The following UQCC1 variants were observed in gnomAD, a reference collection of about 807,000 sequenced individuals.
UQCC1 encodes bFGF-repressed Zic-binding protein.
UQCC1 carries 38 observed loss-of-function variants against 48.0 expected under a neutral mutation model. That is an observed-to-expected ratio of 0.79 (90% CI 0.61 to 1.04). UQCC1 has a LOEUF of 1.04. Among genes scored for constraint, UQCC1 ranks in the 50% least tolerant of loss-of-function variants. The pLI is 0.00. For synonymous variants in UQCC1, 111 were observed against 129.2 expected, an observed-to-expected ratio of 0.86 and a Z score of 0.95; for missense variants, 368 against 381.8, an observed-to-expected ratio of 0.96 and a Z score of 0.30.
At chr20:35,311,894 C>A (rs981451854) in intron 8 of UQCC1, among the ~76,000 whole-genome samples, 17 of 152,168 alleles carry the variant, frequency 1.1e-4, no homozygotes, top group Non-Finnish European at 1.8e-4. Context: ...AACCACCAGG[C>A]AGCACTCCTA....
At chr20:35,340,530 G>A (rs908924520) in intron 7 of UQCC1, among the ~76,000 whole-genome samples, 4 of 152,132 alleles carry the variant, frequency 2.6e-5, no homozygotes, top group Non-Finnish European at 5.9e-5. Context: ...CCCCACCCAA[G>A]CTGGAGTGTA....
chr20:35,312,168 T>C (rs1427346125), intron 8 of UQCC1, among the ~76,000 whole-genome samples: 1 of 152,210 alleles, frequency 6.6e-6, no homozygotes, highest in Admixed American at 6.5e-5. Flanking sequence ...CTTTTCTATA[T>C]TGTAAGGCTT....
intron 7 of UQCC1, among the ~76,000 whole-genome samples, chr20:35,332,694 T>G (rs1032346737): frequency 6.6e-6 from 1 of 152,230 alleles, no homozygotes; most frequent in Non-Finnish European, 1.5e-5. Context: ...TGGTCAGTCC[T>G]GGGGAATGCC....
chr20:35,402,736 T>C (rs1219938624), intron 1 of UQCC1, among the ~76,000 whole-genome samples: 1 of 151,598 alleles, frequency 6.6e-6, no homozygotes, highest in South Asian at 2.1e-4. Flanking sequence ...GAGGTTGCAG[T>C]AGGCAGAGAT....
Position 35,304,015 on chromosome 20 carries a change from T to C in UQCC1, c.820A>G (p.Ser274Gly). 6.2e-7 allele frequency: 1 copy of C among 1,614,126 alleles called. No individual in the cohort carries two copies. The highest frequency in any genetic ancestry group is 8.5e-7 in the Non-Finnish European group (1 of 1,180,010). Reference sequence around the variant, plus strand: ...TTCTTCTCCACTAGAGGGCGCCAGCTCACCTCCCCTGTCAGAAGCAGATCC... The same window carrying C: ...TTCTTCTCCACTAGAGGGCGCCAGCCCACCTCCCCTGTCAGAAGCAGATCC... ...GEDLLLTGEVSWRPLVEKNPQ... is the reference protein window; with the variant it reads ...GEDLLLTGEVGWRPLVEKNPQ... The change falls in exon 10 of 10, where the codon AGC (serine) becomes GGC (glycine). Residue 274 changes from serine to glycine, a missense_variant. Transcript: ENST00000374385.
At chr20:35,320,742 T>C (rs2061115235) in intron 7 of UQCC1, among the ~76,000 whole-genome samples, 1 of 152,140 alleles carries the variant, frequency 6.6e-6, no homozygotes, top group Admixed American at 6.5e-5. Flanking sequence ...AGAAAGTTGG[T>C]ATGGAAAACA....
At position 35,309,651 on chromosome 20, in the gene UQCC1, C is replaced by T. The variant is rs566694335; in HGVS notation, c.652-2872G>A. On this transcript the variant is annotated intron_variant, in intron 8 of 9. Coordinates refer to ENST00000374385, the MANE Select transcript of UQCC1 (RefSeq NM_018244.5). ...CTAATCGGGTGCCTACTTGTTTTCC[C>T]TCGTGACACAATGAAGCATCCTTCA... 2.0e-5 allele frequency among the ~76,000 whole-genome samples: 3 copies of T among 152,244 alleles called. No homozygotes were observed. The South Asian group carries it at 6.2e-4, about 32-fold the overall frequency.
At chr20:35,371,748 G>T (rs2061734896) in intron 5 of UQCC1, among the ~76,000 whole-genome samples, 1 of 147,764 alleles carries the variant, frequency 6.8e-6, no homozygotes, top group Admixed American at 6.8e-5. Flanking sequence ...GCTTATGCCT[G>T]TAATCCCTGC....
At chr20:35,401,039 T>C (rs1475921509) in intron 1 of UQCC1, among the ~76,000 whole-genome samples, 2 of 152,162 alleles carry the variant, frequency 1.3e-5, no homozygotes, top group South Asian at 2.1e-4. Context: ...TTATTCACCA[T>C]AAAATCACCA....
intron 5 of UQCC1, among the ~76,000 whole-genome samples, chr20:35,372,078 G>A (rs1484180745): frequency 1.3e-5 from 2 of 151,976 alleles, no homozygotes; most frequent in Non-Finnish European, 2.9e-5. Flanking sequence ...TTGGGAGGTC[G>A]AGGTGGGTGG....
At chr20:35,308,001 G>C (rs925376342) in intron 8 of UQCC1, among the ~76,000 whole-genome samples, 3 of 152,178 alleles carry the variant, frequency 2.0e-5, no homozygotes, top group Non-Finnish European at 4.4e-5. Context: ...CAGAGTTGCT[G>C]TGAGAATTAA....
chr20:35,399,695 A>G (rs1011645824), intron 1 of UQCC1, among the ~76,000 whole-genome samples: 4 of 151,640 alleles, frequency 2.6e-5, no homozygotes, highest in African/African-American at 9.7e-5. Flanking sequence ...CATCTCTACT[A>G]AAAATACAAA....
intron 4 of UQCC1, among the ~76,000 whole-genome samples, chr20:35,374,662 C>A (rs185503206): frequency 6.6e-6 from 1 of 151,968 alleles, no homozygotes; most frequent in African/African-American, 2.4e-5. Context: ...CAAAAACCCT[C>A]AAGCCTTTAA....
intron 2 of UQCC1, among the ~76,000 whole-genome samples, chr20:35,385,844 C>CTT (rs111277050): frequency 7.3e-6 from 1 of 137,562 alleles, no homozygotes; most frequent in Non-Finnish European, 1.6e-5. Flanking sequence ...TTTAAATAGA[C>CTT]TTTTTTTTTT....
chr20:35,380,662 T>G (rs74380503), intron 4 of UQCC1, among the ~76,000 whole-genome samples: 9 of 152,212 alleles, frequency 5.9e-5, no homozygotes. Context: ...AAATCTTCCC[T>G]ACTGCTTTGA....
chr20:35,303,934 A>G lies in UQCC1; in HGVS notation c.*1T>C. On this transcript the variant is annotated 3_prime_UTR_variant, in exon 10 of 10. Transcript: ENST00000374385. ...GCGGGCCGTGCGGAGGGCCCAGCCC[A>G]TCAAAGTCCCTCGTCGTTGTAAGTC... is the stretch of plus-strand genomic sequence containing the variant. 1.2e-6 allele frequency: 2 copies of G among 1,614,182 alleles called. No individual in the cohort carries two copies. Among genetic ancestry groups the G allele is most frequent in the Non-Finnish European group, 8.5e-7 (1 of 1,180,002 alleles).
intron 7 of UQCC1, among the ~76,000 whole-genome samples, chr20:35,322,852 C>T (rs2061146379): frequency 1.3e-5 from 2 of 152,006 alleles, no homozygotes; most frequent in African/African-American, 4.8e-5. Flanking sequence ...AATCTACTGT[C>T]TTTTCTTTTT....
intron 1 of UQCC1, among the ~76,000 whole-genome samples, chr20:35,395,373 G>C (rs1055118541): frequency 6.6e-6 from 1 of 151,832 alleles, no homozygotes; most frequent in Non-Finnish European, 1.5e-5. Flanking sequence ...TATTATCTCA[G>C]CACTTTTGAG....
At chr20:35,384,005 T>C (rs763662039) in intron 3 of UQCC1, 33 bp downstream of exon 3, 2 of 1,587,402 alleles carry the variant, frequency 1.3e-6, no homozygotes, top group South Asian at 2.2e-5. Context: ...GTGAAAGCAC[T>C]CTATAAACAC....
Sources: allele counts gnomAD v4.1 joint callset (sites outside exome capture counted in the v4.1 genomes callset), GRCh38; gene constraint gnomAD v4.1.1; transcripts MANE v1.5; gene names NCBI Gene and HGNC (gene_info 2026-07-23, HGNC 2026-07-21).